Variants in RBFOX1 observed in about 807,000 individuals in gnomAD.
The protein encoded by RBFOX1 is RNA binding fox-1 homolog 1.
A neutral mutation model predicts 57.7 loss-of-function variants in RBFOX1; 8 were observed. The ratio of observed to expected loss-of-function variants is 0.14; its 90% CI spans 0.08 to 0.25. The LOEUF is 0.25. Ranked by LOEUF, RBFOX1 falls within the 10% of genes least tolerant of loss-of-function variation. RBFOX1 has a pLI of 1.00. For synonymous variants in RBFOX1, 326 were observed against 222.4 expected, an observed-to-expected ratio of 1.47 and a Z score of -4.15; for missense variants, 611 against 548.5, an observed-to-expected ratio of 1.11 and a Z score of -1.14.
chr16:6,064,664 C>T (rs1397940230), intron 1 of RBFOX1, among the ~76,000 whole-genome samples: 1 of 152,116 alleles, frequency 6.6e-6, no homozygotes, highest in Non-Finnish European at 1.5e-5. Flanking sequence ...CCTCAGCCTC[C>T]CAAGTAGCTG....
chr16:5,885,290 C>G (rs911460168), intron 4 of RBFOX1, among the ~76,000 whole-genome samples: 1 of 150,096 alleles, frequency 6.7e-6, no homozygotes, highest in African/African-American at 2.5e-5. Context: ...TGTTCTTACC[C>G]AGAATGTCAC....
chr16:5,391,903 A>G (rs1390350726), intron 1 of RBFOX1, among the ~76,000 whole-genome samples: 1 of 151,528 alleles, frequency 6.6e-6, no homozygotes, highest in Non-Finnish European at 1.5e-5. Flanking sequence ...ACACACACAC[A>G]CACACGCACA....
intron 3 of RBFOX1, among the ~76,000 whole-genome samples, chr16:5,833,135 G>A (rs1004647783): frequency 3.3e-5 from 5 of 152,142 alleles, no homozygotes; most frequent in Non-Finnish European, 7.3e-5. Flanking sequence ...TATGCATAAA[G>A]TCTCACTGCA....
chr16:5,752,645 C>T (rs1020267122), intron 3 of RBFOX1, among the ~76,000 whole-genome samples: 13 of 152,098 alleles, frequency 8.5e-5, no homozygotes, highest in Admixed American at 6.6e-4. Context: ...ACAAAGGTTT[C>T]AGAAAAGGAT....
chr16:7,406,738 C>G (rs1291357607), intron 4 of RBFOX1, among the ~76,000 whole-genome samples: 1 of 152,186 alleles, frequency 6.6e-6, no homozygotes, highest in African/African-American at 2.4e-5. Flanking sequence ...TACAACATCA[C>G]AGAGTGACTC....
chr16:6,068,437 C>A (rs999027613), intron 1 of RBFOX1, among the ~76,000 whole-genome samples: 2 of 152,090 alleles, frequency 1.3e-5, no homozygotes, highest in African/African-American at 4.8e-5. Context: ...TGTGCCTAGG[C>A]CTTTCCTGGG....
chr16:5,773,374 A>T (rs749318117), intron 3 of RBFOX1, among the ~76,000 whole-genome samples: 3 of 152,216 alleles, frequency 2.0e-5, no homozygotes, highest in Non-Finnish European at 4.4e-5. Flanking sequence ...AAACACACAC[A>T]CATCCATACA....
At position 5,357,437 on chromosome 16, in the gene RBFOX1, C is replaced by T. The variant is rs185477227; in HGVS notation, c.220-109779C>T. On this transcript the variant is annotated intron_variant, in intron 1 of 2. Transcript: ENST00000585867. ...CATTGTTCACAAGAGAACAGAACAACGCAGTCTACAGGGAGAGAGGAGACT... is the reference window on the plus strand; with the variant it reads ...CATTGTTCACAAGAGAACAGAACAATGCAGTCTACAGGGAGAGAGGAGACT... Among the ~76,000 whole-genome samples, 57 of 152,322 alleles carry T rather than the reference C, an allele frequency of 3.7e-4. No homozygotes were observed. The East Asian group carries it at 7.7e-3, about 21-fold the overall frequency.
At chr16:6,376,397 C>T (rs2091182997) in intron 2 of RBFOX1, among the ~76,000 whole-genome samples, 2 of 152,244 alleles carry the variant, frequency 1.3e-5, no homozygotes, top group South Asian at 4.2e-4. Flanking sequence ...GTTCTGGAGC[C>T]CAGGAGGCTG....
chr16:7,475,505 G>A (rs1195408633), intron 4 of RBFOX1, among the ~76,000 whole-genome samples: 1 of 151,854 alleles, frequency 6.6e-6, no homozygotes, highest in East Asian at 1.9e-4. Flanking sequence ...TAGTAGAGAC[G>A]GCGTTTCACC....
At chr16:6,394,884 G>C (rs997523145) in intron 2 of RBFOX1, among the ~76,000 whole-genome samples, 1 of 152,150 alleles carries the variant, frequency 6.6e-6, no homozygotes, top group Admixed American at 6.5e-5. Context: ...GTGTATCGTG[G>C]TGAGAAAACT....
chr16:5,397,208 G>A (rs1176978871), intron 1 of RBFOX1, among the ~76,000 whole-genome samples: 2 of 152,230 alleles, frequency 1.3e-5, no homozygotes, highest in African/African-American at 2.4e-5. Context: ...GTAGAGAAAC[G>A]TGGAGGAGGC....
At chr16:7,416,205 A>G (rs917939391) in intron 4 of RBFOX1, among the ~76,000 whole-genome samples, 1 of 152,148 alleles carries the variant, frequency 6.6e-6, no homozygotes, top group Non-Finnish European at 1.5e-5. Flanking sequence ...CAGATTCAAT[A>G]AAAGGAAATC....
chr16:6,953,442 G>T (rs2081166205), intron 3 of RBFOX1, among the ~76,000 whole-genome samples: 1 of 151,938 alleles, frequency 6.6e-6, no homozygotes, highest in Admixed American at 6.6e-5. Flanking sequence ...GCTGGGTACA[G>T]TGGTGCAGTC....
At chr16:5,487,849 C>CATG (rs1054529035) in intron 2 of RBFOX1, among the ~76,000 whole-genome samples, 3 of 151,640 alleles carry the variant, frequency 2.0e-5, no homozygotes, top group African/African-American at 7.3e-5. Flanking sequence ...TGGTCGTGGG[C>CATG]ATGATGATGA....
At chr16:5,278,826 C>A (rs929097526) in intron 1 of RBFOX1, among the ~76,000 whole-genome samples, 1 of 152,192 alleles carries the variant, frequency 6.6e-6, no homozygotes, top group Admixed American at 6.5e-5. Context: ...GTTTTCCTGG[C>A]ACCATTTAAT....
chr16:5,896,646 C>G (rs892413647), intron 4 of RBFOX1, among the ~76,000 whole-genome samples: 2 of 152,144 alleles, frequency 1.3e-5, no homozygotes, highest in African/African-American at 4.8e-5. Context: ...TATGTTATAT[C>G]AACATAGAAT....
At chr16:5,622,893 C>T (rs542146406) in intron 3 of RBFOX1, among the ~76,000 whole-genome samples, 23 of 152,308 alleles carry the variant, frequency 1.5e-4, no homozygotes, top group African/African-American at 5.5e-4. Flanking sequence ...CTTATTGTTT[C>T]CTAAACAACA....
chr16:7,407,335 G>T (rs181624050), intron 4 of RBFOX1, among the ~76,000 whole-genome samples: 1 of 151,820 alleles, frequency 6.6e-6, no homozygotes, highest in East Asian at 2.0e-4. Flanking sequence ...ATAAAGTAAA[G>T]GAAAAGCATA....
Sources: gnomAD v4.1 joint callset for allele counts (sites outside exome capture counted in the v4.1 genomes callset) on GRCh38, gnomAD v4.1.1 for gene constraint, MANE v1.5 for transcripts, NCBI Gene and HGNC (gene_info 2026-07-23, HGNC 2026-07-21) for gene names.